The following CIB2 variants were observed in gnomAD, a reference collection of about 807,000 sequenced individuals.
The protein encoded by CIB2 is calcium and integrin binding family member 2.
CIB2 carries 19 observed loss-of-function variants against 23.1 expected under a neutral mutation model. That is an observed-to-expected ratio of 0.82 (90% confidence interval 0.57 to 1.21). The LOEUF (loss-of-function observed/expected upper bound fraction) is 1.21, where lower values mean the gene tolerates loss of function less well. Among genes scored for constraint, CIB2 ranks in the 50% most tolerant of loss-of-function variants. The pLI, the probability that CIB2 is intolerant of heterozygous loss-of-function variation, is 0.00. For missense variants in CIB2, 220 were observed against 241.5 expected (o/e 0.91, Z 0.59); for synonymous variants, 94 against 91.7 (o/e 1.03, Z -0.14).
At position 78,109,270 on chromosome 15, in the gene CIB2, CG is replaced by C; in HGVS notation, c.310del (p.Arg104GlufsTer27). On this transcript the variant is annotated frameshift_variant, in exon 4 of 6. Transcript: ENST00000258930. LOFTEE classifies it high-confidence loss of function. The stretch of plus-strand genomic sequence containing the variant: ...GAAGGCATAGTTTGCCTTGAGCTCT[CG>C]GGGAGCCGACTCGCAGAGCACGGAA... Reference protein sequence around the residue: ...MFSVLCESAPRELKANYAFKI... With the variant: ...MFSVLCESAPXELKANYAFKI... The C allele has an allele frequency of 6.3e-7, 1 of 1,590,288 alleles. No homozygotes were observed. The highest frequency in any genetic ancestry group is 8.6e-7 in the Non-Finnish European group (1 of 1,166,328).
chr15:78,129,259 G>T (rs1407059830), intron 1 of CIB2, among the ~76,000 whole-genome samples: 1 of 152,072 alleles, frequency 6.6e-6, no homozygotes, highest in Non-Finnish European at 1.5e-5. Context: ...GAGATGTGGG[G>T]CTCTCAGGTT....
intron 1 of CIB2, among the ~76,000 whole-genome samples, chr15:78,130,029 G>A (rs1181563019): frequency 6.6e-6 from 1 of 152,122 alleles, no homozygotes; most frequent in Non-Finnish European, 1.5e-5. Flanking sequence ...AGGGGCCTTT[G>A]TTTTACCTTC....
Position 78,109,285 on chromosome 15 carries a change from C to A in CIB2, c.296G>T (p.Cys99Phe), listed in dbSNP as rs1333697442. The change falls in exon 4 of 6, where the codon TGC becomes TTC. Residue 99 changes from cysteine (C) to phenylalanine (F), a missense_variant. Coordinates refer to ENST00000258930, the MANE Select transcript of CIB2 (RefSeq NM_006383.4). ...CTTGAGCTCTCGGGGAGCCGACTCG[C>A]AGAGCACGGAAAACATGTCCACAAA... ...NDFVDMFSVLCESAPRELKAN... is the reference protein window; with the variant it reads ...NDFVDMFSVLFESAPRELKAN... The A allele has an allele frequency of 6.3e-7, 1 of 1,598,708 alleles. No individual in the cohort carries two copies. The highest frequency in any genetic ancestry group is 8.5e-7 in the Non-Finnish European group (1 of 1,170,210).
Position 78,111,171 on chromosome 15 carries a change from C to T in CIB2, c.192G>A (p.Glu64=), listed in dbSNP as rs145415848. The T allele has an allele frequency of 1.1e-4, 178 of 1,613,958 alleles. 1 individual carries two copies. The Middle Eastern group carries it at 4.1e-3, about 37-fold the overall frequency. The part of the protein sequence containing the change: ...VPMSLIIQMP[E]LRENPFKERI... ...CAAGAGGTCCTGCACATACCCGGAG[C>T]TCTGGCATCTGGATGATGAGGCTCA... Residue 64 remains glutamate (E), a synonymous_variant, in exon 3 of 6, where the codon GAG becomes GAA. Transcript: ENST00000258930.
chr15:78,105,112 G>A lies in CIB2; in HGVS notation c.*199C>T, dbSNP rs1476445698. 8 of 681,470 alleles carry A rather than the reference G, an allele frequency of 1.2e-5. No homozygotes were observed. Among genetic ancestry groups the A allele is most frequent in the Admixed American group, 1.2e-4 (4 of 34,548 alleles). The allele number at this position is 681,470 out of a possible 1,614,324, so 42.2% of individuals were successfully genotyped here. ...ATGGGTCCCGGGGCTGGACCACAGC[G>A]GGGCTGTGGGAAGGGTCCTAACCTT... On this transcript the variant is annotated 3_prime_UTR_variant, in exon 6 of 6. Coordinates refer to ENST00000258930, the MANE Select transcript of CIB2 (RefSeq NM_006383.4).
At chr15:78,109,595 G>C in intron 3 of CIB2, 1 of 599,658 alleles carries the variant, frequency 1.7e-6, no homozygotes, top group Non-Finnish European at 3.0e-6. Context: ...GTTGGTACCA[G>C]GCCCGGCACA....
chr15:78,128,728 G>A (rs2074414492), intron 1 of CIB2, among the ~76,000 whole-genome samples: 2 of 150,164 alleles, frequency 1.3e-5, no homozygotes, highest in South Asian at 4.3e-4. Context: ...AGAAAGAGAT[G>A]AAGGAAGAGT....
chr15:78,118,229 A>G lies in CIB2; in HGVS notation c.86+5476T>C, dbSNP rs2074266840. On this transcript the variant is annotated intron_variant, in intron 2 of 5. Transcript: ENST00000258930. ...AGACTAAGAGGAAGGCTGGTCACTA[A>G]AATGTTAGTGATTATCTTGGGTAGT... is the stretch of plus-strand genomic sequence containing the variant. Among the ~76,000 whole-genome samples, 3 of 152,194 alleles carry G rather than the reference A, an allele frequency of 2.0e-5. No individual in the cohort carries two copies. The South Asian group carries it at 6.2e-4, about 32-fold the overall frequency.
chr15:78,113,386 A>G (rs2074187794), intron 2 of CIB2, among the ~76,000 whole-genome samples: 1 of 152,194 alleles, frequency 6.6e-6, no homozygotes, highest in South Asian at 2.1e-4. Flanking sequence ...GGTGGGATCA[A>G]GCTGAGACTC....
chr15:78,113,867 T>G (rs566844981), intron 2 of CIB2, among the ~76,000 whole-genome samples: 2 of 152,338 alleles, frequency 1.3e-5, no homozygotes, highest in African/African-American at 4.8e-5. Context: ...TGCTTCCAAC[T>G]GCTACATTTC....
intron 4 of CIB2, among the ~76,000 whole-genome samples, chr15:78,107,044 C>G (rs1051183450): frequency 2.6e-5 from 4 of 151,106 alleles, no homozygotes; most frequent in Non-Finnish European, 2.9e-5. Flanking sequence ...CTGGCTAACA[C>G]GGTGAAACCC....
chr15:78,113,341 C>T (rs2074187259), intron 2 of CIB2, among the ~76,000 whole-genome samples: 2 of 152,142 alleles, frequency 1.3e-5, no homozygotes, highest in African/African-American at 4.8e-5. Flanking sequence ...TAAACTTGTA[C>T]TTTGGGTGGG....
At chr15:78,120,688 G>A in intron 2 of CIB2, 1 of 985,504 alleles carries the variant, frequency 1.0e-6, no homozygotes, top group Non-Finnish European at 1.2e-6. Flanking sequence ...CAGAGGGAAG[G>A]AGAATTGGAG....
intron 1 of CIB2, among the ~76,000 whole-genome samples, chr15:78,129,586 C>T (rs190895604): frequency 1.3e-5 from 2 of 152,290 alleles, no homozygotes; most frequent in Admixed American, 1.3e-4. Context: ...ACTTTGTCCC[C>T]CTTCCCTGCT....
chr15:78,105,409 G>A, intron 5 of CIB2, 77 bp from the exon 6 acceptor site: 4 of 1,602,260 alleles, frequency 2.5e-6, no homozygotes, highest in African/African-American at 1.3e-5. Context: ...GAAAAGCACA[G>A]CAGGCCCCAG....
intron 2 of CIB2, among the ~76,000 whole-genome samples, chr15:78,116,803 G>A (rs187275758): frequency 2.7e-4 from 41 of 152,184 alleles, no homozygotes; most frequent in African/African-American, 9.2e-4. Flanking sequence ...GGATTTGGCT[G>A]AGTGCAGTGG....
At chr15:78,107,294 C>T (rs1394484579) in intron 4 of CIB2, among the ~76,000 whole-genome samples, 1 of 152,090 alleles carries the variant, frequency 6.6e-6, no homozygotes, top group African/African-American at 2.4e-5. Flanking sequence ...GGTCACATCC[C>T]GGTCATTGTT....
Position 78,131,352 on chromosome 15 carries a change from C to T in CIB2, c.-137G>A. On this transcript the variant is annotated 5_prime_UTR_variant, in exon 1 of 6. Coordinates refer to ENST00000258930, the MANE Select transcript of CIB2 (RefSeq NM_006383.4). This position sits in a 1 kb window ranked among gnomAD's most constrained non-coding sequence, Gnocchi z 5.8. ...GCGGCCCACGGTGGCCGGACCCTTC[C>T]CGCCCCGCAGCTCGCCTGGAGGAGG... 1 of 541,604 alleles carries T rather than the reference C, an allele frequency of 1.8e-6. No individual in the cohort carries two copies. Among genetic ancestry groups the T allele is most frequent in the African/African-American group, 2.0e-5 (1 of 49,058 alleles). The allele number at this position is 541,604 out of a possible 1,614,324, so 33.5% of individuals were successfully genotyped here. A position where few individuals can be genotyped will look rare whatever the true frequency, so the allele number is the denominator to read the frequency against.
At position 78,111,198 on chromosome 15, in the gene CIB2, G is replaced by A; in HGVS notation, c.165C>T (p.Pro55=). ...CTGGCATCTGGATGATGAGGCTCAT[G>A]GGCACGTGGACGATGGGGCTCTTCC... ...DYRKSPIVHV[P]MSLIIQMPEL... Residue 55 remains proline, a synonymous_variant, in exon 3 of 6, where the codon CCC becomes CCT. Coordinates refer to ENST00000258930, the MANE Select transcript of CIB2 (RefSeq NM_006383.4). The A allele has an allele frequency of 6.2e-7, 1 of 1,614,162 alleles. No homozygotes were observed. The highest frequency in any genetic ancestry group is 8.5e-7 in the Non-Finnish European group (1 of 1,180,014).
Sources: allele counts gnomAD v4.1 joint callset (sites outside exome capture counted in the v4.1 genomes callset), GRCh38; gene constraint gnomAD v4.1.1; non-coding constraint Gnocchi (gnomAD v3.1); transcripts MANE v1.5; gene names NCBI Gene and HGNC (gene_info 2026-07-23, HGNC 2026-07-21).